GNB1: variants seen among roughly 807,000 people sequenced by gnomAD.
The protein encoded by GNB1 is guanine nucleotide-binding protein G(I)/G(S)/G(T) subunit beta-1.
Under a neutral mutation model 42.9 loss-of-function variants are expected in GNB1, and 2 were observed. The observed-to-expected ratio is 0.05, with a 90% CI of 0.02 to 0.15. The LOEUF (loss-of-function observed/expected upper bound fraction) is 0.15, where lower values mean the gene tolerates loss of function less well. Among genes scored for constraint, GNB1 ranks in the 10% least tolerant of loss-of-function variants. The pLI, the probability that GNB1 is intolerant of heterozygous loss-of-function variation, is 1.00. For synonymous variants in GNB1, 183 were observed against 174.7 expected, an observed-to-expected ratio of 1.05 and a Z score of -0.38; for missense variants, 193 against 462.2, an observed-to-expected ratio of 0.42 and a Z score of 5.34.
chr1:1,866,948 C>T (rs1216920633), intron 1 of GNB1, among the ~76,000 whole-genome samples: 1 of 146,748 alleles, frequency 6.8e-6, no homozygotes, highest in African/African-American at 2.5e-5. Context: ...AGGGAGACTC[C>T]ATCTCAAAAC....
intron 1 of GNB1, among the ~76,000 whole-genome samples, chr1:1,847,373 T>G (rs1240534786): frequency 6.6e-6 from 1 of 152,176 alleles, no homozygotes; most frequent in Non-Finnish European, 1.5e-5. Context: ...CAGTAAGGGA[T>G]TGCCTTTTAA....
intron 1 of GNB1, among the ~76,000 whole-genome samples, chr1:1,874,775 G>A (rs1347124707): frequency 6.6e-6 from 1 of 151,772 alleles, no homozygotes; most frequent in East Asian, 1.9e-4. Flanking sequence ...GGGTGACAAA[G>A]AGTGACACCC....
chr1:1,872,993 CT>C (rs1312964585), intron 1 of GNB1, among the ~76,000 whole-genome samples: 1 of 151,982 alleles, frequency 6.6e-6, no homozygotes, highest in Non-Finnish European at 1.5e-5. Flanking sequence ...GCCACGGTTT[CT>C]GCAAGTCCCA....
chr1:1,875,894 C>T (rs1037520608), intron 1 of GNB1, among the ~76,000 whole-genome samples: 5 of 152,008 alleles, frequency 3.3e-5, no homozygotes, highest in South Asian at 2.1e-4. Flanking sequence ...TTATTTGGAG[C>T]GTCTTTCCAG....
rs551565840 is a variant in GNB1 at position 1,805,731 on chromosome 1, G to A, written c.267+744C>T. 5.3e-5 allele frequency among the ~76,000 whole-genome samples: 8 copies of A among 151,920 alleles called. No individual in the cohort carries two copies. In the East Asian group the frequency reaches 7.8e-4, roughly 15 times the overall value. ...AATTTTTTGTATTTTTAGTAGAGAC[G>A]AGGTTTCACCATGTTGGCTAGGCTG... On this transcript the variant is annotated intron_variant, in intron 6 of 11. Transcript: ENST00000378609.
chr1:1,807,492 AAC>A, intron 5 of GNB1, among the ~76,000 whole-genome samples: 1 of 145,722 alleles, frequency 6.9e-6, no homozygotes, highest in Non-Finnish European at 1.5e-5. Flanking sequence ...AAAAAAAAAA[AAC>A]AAACAGAAAG....
At chr1:1,868,357 A>C (rs1198187704) in intron 1 of GNB1, among the ~76,000 whole-genome samples, 1 of 152,102 alleles carries the variant, frequency 6.6e-6, no homozygotes, top group Non-Finnish European at 1.5e-5. Flanking sequence ...TGTATTTTTT[A>C]GTAGAGATGG....
intron 7 of GNB1, among the ~76,000 whole-genome samples, chr1:1,797,875 C>T (rs913999438): frequency 1.3e-5 from 2 of 152,242 alleles, no homozygotes; most frequent in African/African-American, 2.4e-5. Context: ...GAAAGGCAGG[C>T]GGGCAAATGC....
chr1:1,885,838 G>C (rs780215930), intron 1 of GNB1, among the ~76,000 whole-genome samples: 1 of 148,924 alleles, frequency 6.7e-6, no homozygotes, highest in Admixed American at 6.7e-5. Context: ...GATTACAGGC[G>C]TGAGCCACCG....
chr1:1,832,660 A>G (rs1046058846), intron 2 of GNB1, among the ~76,000 whole-genome samples: 5 of 152,226 alleles, frequency 3.3e-5, no homozygotes, highest in Admixed American at 3.3e-4. Context: ...GCAGCAGCCC[A>G]GGCCTCTCAT....
At chr1:1,851,136 G>A (rs1355147256) in intron 1 of GNB1, among the ~76,000 whole-genome samples, 16 of 152,150 alleles carry the variant, frequency 1.1e-4, no homozygotes, top group Non-Finnish European at 2.9e-5. Context: ...GGCGCCAGGC[G>A]CGGAGGCTCA....
In GNB1 at chr1:1,811,476, C is replaced by T. The variant is rs147222408; in HGVS notation, c.203+4280G>A. Among the ~76,000 whole-genome samples the T allele has an allele frequency of 1.0e-3, 154 of 149,974 alleles. 1 individual carries two copies. Among genetic ancestry groups the T allele is most frequent in the African/African-American group, 3.4e-3 (137 of 40,822 alleles). On this transcript the variant is annotated intron_variant, in intron 5 of 11. Transcript: ENST00000378609. ...TTGGGAGGCCGAGGCGAGCGGATCA[C>T]GAGGTCATGAGATCGAGACCACCCT...
chr1:1,806,196 T>C (rs1298414512), intron 6 of GNB1, among the ~76,000 whole-genome samples: 1 of 152,174 alleles, frequency 6.6e-6, no homozygotes, highest in Admixed American at 6.5e-5. Flanking sequence ...AAAACTGGAA[T>C]TGAGGTCTCC....
intron 1 of GNB1, among the ~76,000 whole-genome samples, chr1:1,869,094 G>A (rs1211951251): frequency 7.3e-6 from 1 of 137,820 alleles, no homozygotes; most frequent in Non-Finnish European, 1.5e-5. Context: ...GCTGAGGCAG[G>A]AGAATGGCAT....
At chr1:1,831,763 T>A (rs1487569449) in intron 2 of GNB1, among the ~76,000 whole-genome samples, 3 of 151,230 alleles carry the variant, frequency 2.0e-5, no homozygotes, top group African/African-American at 4.9e-5. Flanking sequence ...GCTGCTTTAT[T>A]ATAATTAAAA....
intron 1 of GNB1, among the ~76,000 whole-genome samples, chr1:1,861,663 C>G (rs1439541833): frequency 6.6e-6 from 1 of 151,894 alleles, no homozygotes; most frequent in Non-Finnish European, 1.5e-5. Context: ...CAGGTCAGAG[C>G]TGGAAGCAAC....
chr1:1,811,070 C>CAT (rs200813326), intron 5 of GNB1, among the ~76,000 whole-genome samples: 1,038 of 50,178 alleles, frequency 0.021, 2 homozygotes, highest in African/African-American at 0.026. Context: ...TATATATATA[C>CAT]ATATATATAT....
At position 1,797,722 on chromosome 1, in the gene GNB1, C is replaced by T. The variant is rs932558072; in HGVS notation, c.431-4411G>A. Among the ~76,000 whole-genome samples the T allele has an allele frequency of 2.6e-5, 4 of 152,250 alleles. 1 individual carries two copies. Among genetic ancestry groups the T allele is most frequent in the Admixed American group, 2.6e-4 (4 of 15,280 alleles). ...AAAGTGCTGGGATTATAGGCATGAGCCACCGCGCCCAGCCCCCTTTCCAAA... is the reference window on the plus strand; with the variant it reads ...AAAGTGCTGGGATTATAGGCATGAGTCACCGCGCCCAGCCCCCTTTCCAAA... On this transcript the variant is annotated intron_variant, in intron 7 of 11. Coordinates refer to ENST00000378609, the MANE Select transcript of GNB1 (RefSeq NM_002074.5).
At position 1,820,249 on chromosome 1, in the gene GNB1, T is replaced by C. The variant is rs116651185; in HGVS notation, c.58-2374A>G. 9.0e-3 allele frequency among the ~76,000 whole-genome samples: 1,356 copies of C among 150,368 alleles called. 26 individuals carry two copies. Among genetic ancestry groups the C allele is most frequent in the African/African-American group, 0.032 (1,301 of 40,876 alleles). ...GCCGGCACCTGTAATCGTAACTATT[T>C]GGGGAGGCTGAGGCAGGAGAATCGC... On this transcript the variant is annotated intron_variant, in intron 3 of 11. Transcript: ENST00000378609.
Sources: allele counts gnomAD v4.1 joint callset (sites outside exome capture counted in the v4.1 genomes callset), GRCh38; gene constraint gnomAD v4.1.1; transcripts MANE v1.5; gene names NCBI Gene and HGNC (gene_info 2026-07-23, HGNC 2026-07-21).